NF1: variants seen among roughly 807,000 people sequenced by gnomAD.
The protein encoded by NF1 is neurofibromin.
Under a neutral mutation model 325.7 loss-of-function variants are expected in NF1, and 122 were observed. The observed-to-expected ratio is 0.37, with a 90% CI of 0.32 to 0.44. The LOEUF (loss-of-function observed/expected upper bound fraction) is 0.44, where lower values mean the gene tolerates loss of function less well. NF1 is among the 20% of genes least tolerant of loss of function. The probability of loss-of-function intolerance (pLI) is 1.00; values close to 1 mark genes in which losing one functional copy is unlikely to be tolerated. For missense variants in NF1, 2,140 were observed against 3,415.4 expected (o/e 0.63, Z 9.31); for synonymous variants, 1,091 against 1,186.0 (o/e 0.92, Z 1.65).
intron 48 of NF1, chr17:31,346,089 C>T (rs1355470981): frequency 1.2e-6 from 2 of 1,611,968 alleles, no homozygotes; most frequent in Admixed American, 1.7e-5. Flanking sequence ...CCGAGGAGTG[C>T]TCCACCAATT....
intron 48 of NF1, chr17:31,346,157 G>GATAAAT (rs1567622079): frequency 6.2e-7 from 1 of 1,611,390 alleles, no homozygotes; most frequent in Non-Finnish European, 8.5e-7. Flanking sequence ...TCTCAAACAA[G>GATAAAT]ATCACACCTA....
intron 20 of NF1, among the ~76,000 whole-genome samples, chr17:31,228,264 T>C (rs930662630): frequency 6.6e-6 from 1 of 152,238 alleles, no homozygotes; most frequent in Non-Finnish European, 1.5e-5. Flanking sequence ...GTAATGTTCA[T>C]ATTGCTCTCA....
chr17:31,212,167 G>A (rs2066739342), intron 12 of NF1, among the ~76,000 whole-genome samples: 1 of 152,164 alleles, frequency 6.6e-6, no homozygotes, highest in South Asian at 2.1e-4. Context: ...TTTGAAAACT[G>A]TTTTAAGATC....
At chr17:31,267,058 A>G (rs1366342710) in intron 36 of NF1, among the ~76,000 whole-genome samples, 1 of 151,654 alleles carries the variant, frequency 6.6e-6, no homozygotes, top group Non-Finnish European at 1.5e-5. Flanking sequence ...TAGCCTCCCG[A>G]GTAGCTGGGA....
chr17:31,309,050 G>C (rs1325949953), intron 36 of NF1, among the ~76,000 whole-genome samples: 1 of 152,094 alleles, frequency 6.6e-6, no homozygotes, highest in Non-Finnish European at 1.5e-5. Flanking sequence ...TTATAAGGAA[G>C]GTAAAGGGAT....
intron 1 of NF1, among the ~76,000 whole-genome samples, chr17:31,106,785 CT>C (rs1302088662): frequency 2.6e-5 from 4 of 152,082 alleles, no homozygotes; most frequent in African/African-American, 9.7e-5. Flanking sequence ...CATTGTTTCC[CT>C]TTTATTTAGT....
rs780674112 is a variant in NF1, at chr17:31,095,385, C to A, written c.60+16C>A. 147 of 1,536,998 alleles carry A rather than the reference C, an allele frequency of 9.6e-5. 3 individuals are homozygous for A. The South Asian group carries it at 1.5e-3, about 16-fold the overall frequency. ...CGACGAGCAGGTAACCGGCCCGTGG[C>A]GGGCGGGAGGTGGGAGCGGAGTGGG... is the stretch of plus-strand genomic sequence containing the variant. On this transcript the variant is annotated intron_variant, in intron 1 of 57. Coordinates refer to ENST00000358273, the MANE Select transcript of NF1 (RefSeq NM_001042492.3).
intron 47 of NF1, 137 bp from the exon 48 acceptor site, chr17:31,342,872 G>T: frequency 9.5e-7 from 1 of 1,053,684 alleles, no homozygotes; most frequent in South Asian, 1.3e-5. Context: ...GTGGTTTTCT[G>T]CAGTCAACTG....
At chr17:31,360,824 TTTC>T (rs2070380566) in intron 57 of NF1, 121 bp downstream of exon 57, 1 of 844,624 alleles carries the variant, frequency 1.2e-6, no homozygotes, top group South Asian at 1.4e-5. Context: ...TCACCTTACA[TTTC>T]TTCTTTACCT....
intron 1 of NF1, among the ~76,000 whole-genome samples, chr17:31,097,183 C>T (rs955729247): frequency 3.3e-5 from 5 of 152,002 alleles, no homozygotes; most frequent in African/African-American, 4.8e-5. Context: ...TTGGGCTGGG[C>T]GCGGTGGCTC....
intron 57 of NF1, among the ~76,000 whole-genome samples, chr17:31,372,639 T>C (rs2070665718): frequency 6.6e-6 from 1 of 152,188 alleles, no homozygotes; most frequent in Admixed American, 6.5e-5. Context: ...CAATTTGTAA[T>C]CTTTCCTAAT....
intron 1 of NF1, among the ~76,000 whole-genome samples, chr17:31,098,386 C>T (rs921337940): frequency 5.3e-5 from 8 of 151,654 alleles, no homozygotes; most frequent in African/African-American, 9.7e-5. Context: ...ATTTTTGAGA[C>T]GGAGTTTCAT....
intron 7 of NF1, 132 bp downstream of exon 7, chr17:31,181,917 C>G: frequency 1.4e-6 from 1 of 694,452 alleles, no homozygotes; most frequent in Non-Finnish European, 2.5e-6. Flanking sequence ...CAACTGGTGT[C>G]AAATAGGAAA....
Position 31,206,340 on chromosome 17 carries a change from G to T in NF1, c.1361G>T (p.Cys454Phe). 1 of 1,613,788 alleles carries T rather than the reference G, an allele frequency of 6.2e-7. No individual in the cohort carries two copies. Among genetic ancestry groups the T allele is most frequent in the Non-Finnish European group, 8.5e-7 (1 of 1,179,758 alleles). ...GETLHKAVQG[C>F]GAHPAIRMAP... is the part of the protein sequence containing the mutation. ...ACACTTCATAAAGCAGTGCAAGGTT[G>T]TGGAGCACACCCAGCAATACGAATG... The change falls in exon 12 of 58, where the codon TGT becomes TTT. Residue 454 changes from cysteine (C) to phenylalanine (F), a missense_variant. Transcript: ENST00000358273.
intron 5 of NF1, among the ~76,000 whole-genome samples, chr17:31,171,338 A>G (rs964553512): frequency 1.8e-4 from 28 of 152,170 alleles, no homozygotes; most frequent in African/African-American, 6.3e-4. Context: ...CAAGATTTTG[A>G]TATCTATTAT....
chr17:31,325,523 G>T (rs143597072), intron 36 of NF1, among the ~76,000 whole-genome samples: 32 of 152,274 alleles, frequency 2.1e-4, no homozygotes, highest in Non-Finnish European at 3.5e-4. Context: ...AAGGAGTTTG[G>T]TGGGCCCTGC....
chr17:31,334,236 G>C (rs2069581713), intron 39 of NF1, among the ~76,000 whole-genome samples: 1 of 151,800 alleles, frequency 6.6e-6, no homozygotes, highest in Admixed American at 6.6e-5. Flanking sequence ...GGCGGAACTT[G>C]CAGTGAGCCG....
intron 36 of NF1, among the ~76,000 whole-genome samples, chr17:31,271,523 G>A (rs367877101): frequency 2.2e-4 from 33 of 152,228 alleles, no homozygotes; most frequent in Middle Eastern, 3.4e-3. Context: ...AAGCCAAGGC[G>A]GGTAGATCCC....
chr17:31,172,530 A>T (rs575464205), intron 5 of NF1, among the ~76,000 whole-genome samples: 1 of 152,300 alleles, frequency 6.6e-6, no homozygotes, highest in African/African-American at 2.4e-5. Flanking sequence ...GCCTTGCGCT[A>T]TGCAGTTTGC....
Sources: gnomAD v4.1 joint callset for allele counts (sites outside exome capture counted in the v4.1 genomes callset) on GRCh38, gnomAD v4.1.1 for gene constraint, MANE v1.5 for transcripts, NCBI Gene and HGNC (gene_info 2026-07-23, HGNC 2026-07-21) for gene names.